Variants in MCTP1 observed in about 807,000 individuals in gnomAD.
MCTP1 encodes the protein multiple C2 and transmembrane domain-containing protein 1.
Under a neutral mutation model 120.6 loss-of-function variants are expected in MCTP1, and 69 were observed. The ratio of observed to expected loss-of-function variants is 0.57; its 90% CI spans 0.47 to 0.70. MCTP1 has a LOEUF of 0.70. Ranked by LOEUF, MCTP1 falls within the 30% of genes least tolerant of loss-of-function variation. MCTP1 has a pLI of 0.00. For synonymous variants in MCTP1, 529 were observed against 493.1 expected (o/e 1.07, Z -0.96); for missense variants, 1,203 against 1,248.8 (o/e 0.96, Z 0.55).
chr5:95,117,133 G>T (rs1160554265), intron 1 of MCTP1, among the ~76,000 whole-genome samples: 1 of 151,706 alleles, frequency 6.6e-6, no homozygotes, highest in African/African-American at 2.4e-5. Flanking sequence ...ACAAACATAT[G>T]AAAAAAAAGC....
rs548355649 is a variant in MCTP1 at position 95,226,797 on chromosome 5, G to T, written c.720+57059C>A. ...GAACAGTCCCATTTTAAACTATGTT[G>T]ATATCAAGATAGAGGTGAAGCAAAA... On this transcript the variant is annotated intron_variant, in intron 1 of 22. Transcript: ENST00000515393. Among the ~76,000 whole-genome samples the T allele has an allele frequency of 2.0e-5, 3 of 152,024 alleles. No homozygotes were observed. The East Asian group carries it at 5.8e-4, about 29-fold the overall frequency.
intron 2 of MCTP1, among the ~76,000 whole-genome samples, chr5:94,982,884 CAAAAA>C (rs34561115): frequency 5.0e-3 from 144 of 28,600 alleles, no homozygotes; most frequent in African/African-American, 0.011. Flanking sequence ...CACACTTCAT[CAAAAA>C]AAAAAAAAAA....
intron 1 of MCTP1, among the ~76,000 whole-genome samples, chr5:95,083,896 G>A (rs903354404): frequency 8.5e-5 from 13 of 152,068 alleles, no homozygotes; most frequent in African/African-American, 2.9e-4. Context: ...TCATACTAAG[G>A]AATACTACCT....
At chr5:95,036,375 T>C (rs1282897297) in intron 1 of MCTP1, among the ~76,000 whole-genome samples, 1 of 152,200 alleles carries the variant, frequency 6.6e-6, no homozygotes, top group African/African-American at 2.4e-5. Context: ...ATTTGGGATT[T>C]TGCTGAAGAA....
chr5:95,020,721 T>G, intron 1 of MCTP1, among the ~76,000 whole-genome samples: 1 of 152,188 alleles, frequency 6.6e-6, no homozygotes, highest in Middle Eastern at 3.4e-3. Context: ...CCTTTTATAA[T>G]TTTTAAGTTT....
Position 94,788,552 on chromosome 5 carries a change from C to T in MCTP1, c.2557-9389G>A, listed in dbSNP as rs78033305. Among the ~76,000 whole-genome samples the T allele has an allele frequency of 5.0e-3, 764 of 152,248 alleles. 4 individuals are homozygous for T. The highest frequency in any genetic ancestry group is 0.018 in the African/African-American group (753 of 41,528). On this transcript the variant is annotated intron_variant, in intron 18 of 22. Transcript: ENST00000515393. ...AATAATTCTCCACAAATATATGAAA[C>T]TCTCTGCTACCATCACCCTTCCCCC...
intron 1 of MCTP1, among the ~76,000 whole-genome samples, chr5:95,023,902 T>C (rs1838688261): frequency 1.3e-5 from 2 of 152,210 alleles, no homozygotes; most frequent in African/African-American, 4.8e-5. Context: ...GTCTGCTTTT[T>C]GTAACCAAGA....
At chr5:95,184,718 A>C (rs1259844187) in intron 1 of MCTP1, among the ~76,000 whole-genome samples, 1 of 152,130 alleles carries the variant, frequency 6.6e-6, no homozygotes, top group Non-Finnish European at 1.5e-5. Flanking sequence ...AACCTCCCCA[A>C]ATTGCTCCTG....
At position 95,073,532 on chromosome 5, in the gene MCTP1, G is replaced by A. The variant is rs1418257976; in HGVS notation, c.721-56048C>T. On this transcript the variant is annotated intron_variant, in intron 1 of 22. Coordinates refer to ENST00000515393, the MANE Select transcript of MCTP1 (RefSeq NM_024717.7). ...GGTGTTCTGTGAGTTCACCTACAAAGATCTGTTGTTCACCTATATCTTTCC... is the reference window on the plus strand; with the variant it reads ...GGTGTTCTGTGAGTTCACCTACAAAAATCTGTTGTTCACCTATATCTTTCC... Among the ~76,000 whole-genome samples, 5 of 152,168 alleles carry A rather than the reference G, an allele frequency of 3.3e-5. No homozygotes were observed. In the East Asian group the frequency reaches 9.6e-4, roughly 29 times the overall value.
At chr5:95,065,386 C>T (rs1219336369) in intron 1 of MCTP1, among the ~76,000 whole-genome samples, 1 of 151,588 alleles carries the variant, frequency 6.6e-6, no homozygotes, top group Non-Finnish European at 1.5e-5. Flanking sequence ...AAACTAAATC[C>T]AGAAACATAT....
At chr5:94,980,844 G>A (rs1235937920) in intron 2 of MCTP1, 1 of 152,042 alleles carries the variant, frequency 6.6e-6, no homozygotes, top group Non-Finnish European at 1.5e-5. Flanking sequence ...AATGATTACA[G>A]TTGCCACCAT....
intron 2 of MCTP1, among the ~76,000 whole-genome samples, chr5:95,008,114 A>G (rs948110825): frequency 6.6e-6 from 1 of 152,202 alleles, no homozygotes; most frequent in Non-Finnish European, 1.5e-5. Flanking sequence ...GTTAGAACCA[A>G]GGTAGCCATT....
intron 3 of MCTP1, among the ~76,000 whole-genome samples, chr5:94,947,277 C>G (rs11135415): frequency 0.36 from 53,869 of 151,466 alleles, 9,786 homozygotes; most frequent in African/African-American, 0.37. Flanking sequence ...AATGGATGTA[C>G]GGATAATTTG....
intron 19 of MCTP1, among the ~76,000 whole-genome samples, chr5:94,776,695 C>T (rs1489307374): frequency 3.3e-5 from 5 of 152,156 alleles, no homozygotes; most frequent in African/African-American, 4.8e-5. Flanking sequence ...GAGGTCAGTA[C>T]CTGCTCGTAT....
In MCTP1 at chr5:94,923,948, G is replaced by C. The variant is rs293050; in HGVS notation, c.1272+14C>G. The C allele has an allele frequency of 0.042, 62,008 of 1,485,216 alleles. 2,829 individuals are homozygous for C. The highest frequency in any genetic ancestry group is 0.22 in the African/African-American group (14,960 of 68,042). 92.0% of individuals were successfully genotyped at this position (1,485,216 alleles called of 1,614,324 possible). On this transcript the variant is annotated intron_variant, in intron 7 of 22. Transcript: ENST00000515393. ...AAAAATCAAGAATATTAACAAAAAG[G>C]ATTTAGACATTACCCTCCAAAAGAG...
At chr5:95,090,546 G>A (rs1755771624) in intron 1 of MCTP1, among the ~76,000 whole-genome samples, 2 of 152,258 alleles carry the variant, frequency 1.3e-5, no homozygotes, top group East Asian at 3.9e-4. Context: ...AGATACACGT[G>A]GAGTTGTGCG....
intron 1 of MCTP1, among the ~76,000 whole-genome samples, chr5:95,154,982 A>T (rs1744942834): frequency 6.6e-6 from 1 of 152,156 alleles, no homozygotes; most frequent in African/African-American, 2.4e-5. Context: ...CACGGTTTAG[A>T]CACTATGCTG....
intron 1 of MCTP1, among the ~76,000 whole-genome samples, chr5:95,240,044 AT>A (rs1196478261): frequency 1.3e-5 from 2 of 152,082 alleles, no homozygotes; most frequent in Admixed American, 6.5e-5. Flanking sequence ...TATTCTTTGC[AT>A]TGGCATTTAA....
intron 18 of MCTP1, among the ~76,000 whole-genome samples, chr5:94,780,881 A>T (rs1392606863): frequency 6.6e-6 from 1 of 152,158 alleles, no homozygotes; most frequent in Non-Finnish European, 1.5e-5. Context: ...CTTTCATGTT[A>T]ACCTTTCATT....
Sources: allele counts gnomAD v4.1 joint callset (sites outside exome capture counted in the v4.1 genomes callset), GRCh38; gene constraint gnomAD v4.1.1; transcripts MANE v1.5; gene names NCBI Gene and HGNC (gene_info 2026-07-23, HGNC 2026-07-21).